SLC1A2: variants seen among roughly 807,000 people sequenced by gnomAD.
SLC1A2 encodes solute carrier family 1 member 2, also known as excitatory amino acid transporter 2.
Under a neutral mutation model 48.8 loss-of-function variants are expected in SLC1A2, and 15 were observed. The ratio of observed to expected loss-of-function variants is 0.31; its 90% CI spans 0.21 to 0.47. The LOEUF is 0.47. Among genes scored for constraint, SLC1A2 ranks in the 20% least tolerant of loss-of-function variants. SLC1A2 has a pLI of 0.99. For synonymous variants in SLC1A2, 279 were observed against 272.6 expected (o/e 1.02, Z -0.23); for missense variants, 502 against 730.5 (o/e 0.69, Z 3.61).
intron 1 of SLC1A2, among the ~76,000 whole-genome samples, chr11:35,340,300 C>A (rs542618436): frequency 6.6e-6 from 1 of 152,332 alleles, no homozygotes; most frequent in Non-Finnish European, 1.5e-5. Flanking sequence ...TCCATCTGGG[C>A]ACTGCTGGAG....
intron 1 of SLC1A2, among the ~76,000 whole-genome samples, chr11:35,394,454 T>C (rs1854888782): frequency 1.3e-5 from 2 of 151,934 alleles, no homozygotes; most frequent in Non-Finnish European, 2.9e-5. Flanking sequence ...TGCAAATAGC[T>C]CATTTAACTC....
In SLC1A2 at chr11:35,304,125, A is replaced by T. The variant is rs190235040; in HGVS notation, c.730+1949T>A. Among the ~76,000 whole-genome samples the T allele has an allele frequency of 1.6e-4, 24 of 152,252 alleles. No individual in the cohort carries two copies. In the East Asian group the frequency reaches 4.6e-3, roughly 29 times the overall value. ...TTGCTCACTGGAACGGGGGTGTTGC[A>T]TCTGAACAAAACCCTCTTGGACTTG... is the stretch of plus-strand genomic sequence containing the variant. On this transcript the variant is annotated intron_variant, in intron 5 of 10. Transcript: ENST00000278379.
rs181121052 is a variant in SLC1A2 at position 35,345,252 on chromosome 11, T to A, written c.18-27736A>T. Among the ~76,000 whole-genome samples, 3 of 152,314 alleles carry A rather than the reference T, an allele frequency of 2.0e-5. No individual in the cohort carries two copies. In the East Asian group the frequency reaches 5.8e-4, roughly 29 times the overall value. ...ACCAGGGTTCCAATTACAGCTCCAC[T>A]GTAAAACACTTCATAAAACGTGCAG... On this transcript the variant is annotated intron_variant, in intron 1 of 10. Coordinates refer to ENST00000278379, the MANE Select transcript of SLC1A2 (RefSeq NM_004171.4).
intron 1 of SLC1A2, among the ~76,000 whole-genome samples, chr11:35,400,694 CT>C (rs34046951): frequency 2.0e-5 from 3 of 152,110 alleles, no homozygotes; most frequent in Admixed American, 6.5e-5. Context: ...AGAGGGATAA[CT>C]TTTTTTTAAG....
intron 7 of SLC1A2, among the ~76,000 whole-genome samples, chr11:35,290,812 G>C (rs1850977806): frequency 6.6e-6 from 1 of 151,598 alleles, no homozygotes. Flanking sequence ...ATTTTGAAGT[G>C]TTTTCCTTCA....
chr11:35,392,159 G>A (rs1396741187), intron 1 of SLC1A2, among the ~76,000 whole-genome samples: 1 of 152,154 alleles, frequency 6.6e-6, no homozygotes, highest in Non-Finnish European at 1.5e-5. Flanking sequence ...AGGGTATTTG[G>A]AATTCTTTTT....
At chr11:35,378,253 T>G (rs1189151796) in intron 1 of SLC1A2, among the ~76,000 whole-genome samples, 1 of 152,274 alleles carries the variant, frequency 6.6e-6, no homozygotes, top group East Asian at 1.9e-4. Flanking sequence ...CACAGTGGCT[T>G]GATGCCTTTG....
chr11:35,260,800 AT>A lies in SLC1A2; in HGVS notation c.*93del. On this transcript the variant is annotated 3_prime_UTR_variant, in exon 11 of 11. Coordinates refer to ENST00000278379, the MANE Select transcript of SLC1A2 (RefSeq NM_004171.4). ...ATTAAGTAAACATAGAAATATACGC[AT>A]TTTTTTCCTTTTTAAAGAAAGCTTG... The A allele has an allele frequency of 6.5e-6, 6 of 929,128 alleles. No homozygotes were observed. The highest frequency in any genetic ancestry group is 7.0e-6 in the Non-Finnish European group (4 of 568,252). 57.6% of individuals were successfully genotyped at this position (929,128 alleles called of 1,614,324 possible). A position where few individuals can be genotyped will look rare whatever the true frequency, so the allele number is the denominator to read the frequency against.
At chr11:35,413,480 A>G (rs1763095101) in intron 1 of SLC1A2, among the ~76,000 whole-genome samples, 1 of 152,248 alleles carries the variant, frequency 6.6e-6, no homozygotes. Flanking sequence ...TTTAAAGCCA[A>G]CTGGGATATA....
rs1380830225 is a variant in SLC1A2 at position 35,292,275 on chromosome 11, T to G, written c.1091+12A>C. 1 of 1,589,954 alleles carries G rather than the reference T, an allele frequency of 6.3e-7. No homozygotes were observed. The highest frequency in any genetic ancestry group is 1.7e-5 in the Admixed American group (1 of 59,232). On this transcript the variant is annotated intron_variant, in intron 7 of 10. Transcript: ENST00000278379. Reference sequence around the variant, plus strand: ...GTGAGCAAAGAGAAAGGTGATTTCTTTTGTTCTCTACCTGGAAGCGGTGCC... The same window carrying G: ...GTGAGCAAAGAGAAAGGTGATTTCTGTTGTTCTCTACCTGGAAGCGGTGCC...
intron 1 of SLC1A2, among the ~76,000 whole-genome samples, chr11:35,354,865 C>T (rs1289826193): frequency 6.6e-6 from 1 of 152,202 alleles, no homozygotes; most frequent in African/African-American, 2.4e-5. Flanking sequence ...GGCCTAGCCC[C>T]AACAGAAACA....
intron 1 of SLC1A2, among the ~76,000 whole-genome samples, chr11:35,411,865 C>T (rs866558359): frequency 1.5e-4 from 23 of 152,182 alleles, no homozygotes; most frequent in South Asian, 8.3e-4. Context: ...TTTTGAATGG[C>T]ACATCTCCAC....
intron 3 of SLC1A2, among the ~76,000 whole-genome samples, chr11:35,314,225 A>T (rs901902952): frequency 2.6e-5 from 4 of 152,244 alleles, no homozygotes; most frequent in African/African-American, 9.6e-5. Flanking sequence ...AGTGAAAAAT[A>T]AGTGAACATG....
intron 7 of SLC1A2, among the ~76,000 whole-genome samples, chr11:35,288,064 T>C (rs934952836): frequency 6.6e-6 from 1 of 152,216 alleles, no homozygotes; most frequent in Admixed American, 6.5e-5. Flanking sequence ...TAGATCCCTG[T>C]AGAGGTCTTA....
intron 6 of SLC1A2, among the ~76,000 whole-genome samples, chr11:35,292,831 C>A (rs1260028347): frequency 6.6e-6 from 1 of 152,090 alleles, no homozygotes; most frequent in African/African-American, 2.4e-5. Context: ...AGTTGAGAGA[C>A]CCAGGTGTGT....
chr11:35,419,397 C>T lies in SLC1A2; in HGVS notation c.-431G>A. 5.1e-6 allele frequency: 1 copy of T among 196,910 alleles called. No homozygotes were observed. Among genetic ancestry groups the T allele is most frequent in the Non-Finnish European group, 1.0e-5 (1 of 97,974 alleles). 12.2% of individuals were successfully genotyped at this position (196,910 alleles called of 1,614,324 possible). A position where few individuals can be genotyped will look rare whatever the true frequency, so the allele number is the denominator to read the frequency against. On this transcript the variant is annotated 5_prime_UTR_variant, in exon 1 of 11. Coordinates refer to ENST00000278379, the MANE Select transcript of SLC1A2 (RefSeq NM_004171.4). The surrounding 1 kb of genome is among the most constrained non-coding windows in gnomAD (Gnocchi z 5.4). ...GAGAGTGGTGGCAGAGGACGGTGAG[C>T]GTGCGTGCGCGTGTGCGGGTGTGTG...
At chr11:35,407,837 A>G (rs1207282769) in intron 1 of SLC1A2, among the ~76,000 whole-genome samples, 1 of 152,152 alleles carries the variant, frequency 6.6e-6, no homozygotes, top group African/African-American at 2.4e-5. Flanking sequence ...TTCAGATACT[A>G]GAGCTTCCCA....
intron 1 of SLC1A2, among the ~76,000 whole-genome samples, chr11:35,347,285 T>C (rs931535727): frequency 1.3e-5 from 2 of 152,198 alleles, no homozygotes; most frequent in African/African-American, 4.8e-5. Context: ...GGTGTTACTT[T>C]TGGACACTCC....
chr11:35,375,078 A>C (rs981077862), intron 1 of SLC1A2, among the ~76,000 whole-genome samples: 3 of 152,246 alleles, frequency 2.0e-5, no homozygotes, highest in African/African-American at 7.2e-5. Flanking sequence ...TCAAGAACCT[A>C]TTTTACACAT....
Sources: allele counts gnomAD v4.1 joint callset (sites outside exome capture counted in the v4.1 genomes callset), GRCh38; gene constraint gnomAD v4.1.1; non-coding constraint Gnocchi (gnomAD v3.1); transcripts MANE v1.5; gene names NCBI Gene and HGNC (gene_info 2026-07-23, HGNC 2026-07-21).